The following NIBAN1 variants were observed in gnomAD, a reference collection of about 807,000 sequenced individuals.
NIBAN1 encodes protein Niban 1.
A neutral mutation model predicts 75.1 loss-of-function variants in NIBAN1; 81 were observed. That is an observed-to-expected ratio of 1.08 (90% CI 0.90 to 1.30). NIBAN1 has a LOEUF of 1.30. NIBAN1 is among the 50% of genes most tolerant of loss of function. The pLI is 0.00. For synonymous variants in NIBAN1, 436 were observed against 424.8 expected, an observed-to-expected ratio of 1.03 and a Z score of -0.32; for missense variants, 1,133 against 1,128.1, an observed-to-expected ratio of 1.00 and a Z score of -0.06.
chr1:184,888,490 A>C (rs1489458102), intron 4 of NIBAN1, among the ~76,000 whole-genome samples: 1 of 152,210 alleles, frequency 6.6e-6, no homozygotes, highest in Admixed American at 6.5e-5. Context: ...AACCTTTTAC[A>C]ACAATTTTCC....
intron 5 of NIBAN1, among the ~76,000 whole-genome samples, chr1:184,870,169 T>TAATA (rs1656068101): frequency 2.0e-5 from 3 of 152,206 alleles, no homozygotes; most frequent in Non-Finnish European, 4.4e-5. Flanking sequence ...AAGCAGTGGT[T>TAATA]GATAGATTAC....
intron 9 of NIBAN1, among the ~76,000 whole-genome samples, chr1:184,815,209 C>T (rs1337347471): frequency 6.6e-6 from 1 of 152,180 alleles, no homozygotes; most frequent in African/African-American, 2.4e-5. Context: ...GATGTTATAA[C>T]AGTAGATTAT....
At chr1:184,879,237 T>C (rs1656313208) in intron 5 of NIBAN1, among the ~76,000 whole-genome samples, 1 of 152,198 alleles carries the variant, frequency 6.6e-6, no homozygotes, top group Admixed American at 6.5e-5. Context: ...AGAATATTTT[T>C]ATAAGTAAAA....
chr1:184,951,622 CT>C (rs1434194535), intron 1 of NIBAN1, among the ~76,000 whole-genome samples: 1 of 152,108 alleles, frequency 6.6e-6, no homozygotes, highest in Non-Finnish European at 1.5e-5. Flanking sequence ...CAGCTACCCC[CT>C]AGTCCACACC....
intron 13 of NIBAN1, 85 bp downstream of exon 13, chr1:184,797,994 C>T: frequency 1.4e-6 from 1 of 700,310 alleles, no homozygotes; most frequent in Non-Finnish European, 2.3e-6. Flanking sequence ...CTTCTCTTTT[C>T]CTCCCTGACT....
chr1:184,865,893 T>C (rs1655944138), intron 5 of NIBAN1, among the ~76,000 whole-genome samples: 1 of 152,192 alleles, frequency 6.6e-6, no homozygotes, highest in South Asian at 2.1e-4. Context: ...ACTGCACAGA[T>C]AGTCAAAAAA....
chr1:184,956,563 C>A (rs1658495825), intron 1 of NIBAN1, among the ~76,000 whole-genome samples: 1 of 152,158 alleles, frequency 6.6e-6, no homozygotes, highest in Non-Finnish European at 1.5e-5. Flanking sequence ...TAGAATAGCA[C>A]TTCTTCAAAA....
intron 2 of NIBAN1, among the ~76,000 whole-genome samples, chr1:184,896,727 A>G (rs1043649648): frequency 6.6e-6 from 1 of 152,128 alleles, no homozygotes; most frequent in African/African-American, 2.4e-5. Flanking sequence ...GTATATAATG[A>G]GAGATAGGGG....
chr1:184,915,020 C>T (rs184351094), intron 1 of NIBAN1, among the ~76,000 whole-genome samples: 7 of 152,312 alleles, frequency 4.6e-5, no homozygotes, highest in Non-Finnish European at 1.0e-4. Context: ...CTGTGCCCAG[C>T]CCATTAACTT....
intron 5 of NIBAN1, chr1:184,867,897 TACCCCGTC>T (rs1425840341): frequency 1.0e-6 from 1 of 985,350 alleles, no homozygotes; most frequent in Non-Finnish European, 1.2e-6. Context: ...AGCTTTTGTC[TACCCCGTC>T]ACTTAAAGTG....
At chr1:184,857,697 C>A (rs988765133) in intron 5 of NIBAN1, among the ~76,000 whole-genome samples, 1 of 152,024 alleles carries the variant, frequency 6.6e-6, no homozygotes, top group African/African-American at 2.4e-5. Flanking sequence ...TATACATATA[C>A]ATATGTGTCT....
intron 5 of NIBAN1, among the ~76,000 whole-genome samples, chr1:184,833,349 T>A (rs1571502917): frequency 6.9e-6 from 1 of 145,848 alleles, no homozygotes; most frequent in Admixed American, 6.9e-5. Flanking sequence ...TCTACAAGAG[T>A]TCAAGCAAAA....
chr1:184,839,937 C>T (rs192430904), intron 5 of NIBAN1, among the ~76,000 whole-genome samples: 1 of 152,084 alleles, frequency 6.6e-6, no homozygotes, highest in African/African-American at 2.4e-5. Context: ...AGAGACTTTT[C>T]TTCTCAAAGT....
At chr1:184,914,337 A>G (rs1272663997) in intron 1 of NIBAN1, among the ~76,000 whole-genome samples, 1 of 152,228 alleles carries the variant, frequency 6.6e-6, no homozygotes, top group African/African-American at 2.4e-5. Context: ...AAGCTCTCCA[A>G]ATAAAAGATA....
At chr1:184,934,667 C>T (rs142470426) in intron 1 of NIBAN1, among the ~76,000 whole-genome samples, 3,047 of 152,022 alleles carry the variant, frequency 0.02, 102 homozygotes, top group African/African-American at 0.069. Flanking sequence ...GAGGCTGAGG[C>T]GGGTGGATCA....
At position 184,791,595 on chromosome 1, in the gene NIBAN1, G is replaced by T. The variant is rs1653697643; in HGVS notation, c.*3382C>A. 1 of 151,640 alleles carries T rather than the reference G, an allele frequency of 6.6e-6. No individual in the cohort carries two copies. The highest frequency in any genetic ancestry group is 1.5e-5 in the Non-Finnish European group (1 of 67,954). 9.4% of individuals were successfully genotyped at this position (151,640 alleles called of 1,614,324 possible). On this transcript the variant is annotated 3_prime_UTR_variant, in exon 14 of 14. Coordinates refer to ENST00000367511, the MANE Select transcript of NIBAN1 (RefSeq NM_052966.4). Reference sequence around the variant, plus strand: ...AATGACAAGCCCAGTTTTTTTCAAGGGAAATATTTTTTCTCTGTGAAAGGT... The same window carrying T: ...AATGACAAGCCCAGTTTTTTTCAAGTGAAATATTTTTTCTCTGTGAAAGGT...
At chr1:184,877,445 T>C (rs1656262382) in intron 5 of NIBAN1, among the ~76,000 whole-genome samples, 1 of 152,166 alleles carries the variant, frequency 6.6e-6, no homozygotes, top group Non-Finnish European at 1.5e-5. Flanking sequence ...ATACATACTT[T>C]ACAAACATTC....
intron 1 of NIBAN1, 113 bp from the exon 2 acceptor site, chr1:184,899,422 C>A: frequency 9.1e-7 from 1 of 1,096,712 alleles, no homozygotes; most frequent in Non-Finnish European, 1.3e-6. Flanking sequence ...CCAGTCACCC[C>A]TGTTTCTATC....
At chr1:184,804,853 A>G (rs1451460796) in intron 11 of NIBAN1, among the ~76,000 whole-genome samples, 2 of 151,684 alleles carry the variant, frequency 1.3e-5, no homozygotes, top group East Asian at 1.9e-4. Context: ...TAGTGGCACA[A>G]TCTCCGCTCA....
Sources: allele counts gnomAD v4.1 joint callset (sites outside exome capture counted in the v4.1 genomes callset), GRCh38; gene constraint gnomAD v4.1.1; transcripts MANE v1.5; gene names NCBI Gene and HGNC (gene_info 2026-07-23, HGNC 2026-07-21).